Variants in HDAC9 observed in about 807,000 individuals in gnomAD.
HDAC9 encodes the protein histone deacetylase 9, also known as MEF-2 interacting transcription repressor (MITR) protein.
A neutral mutation model predicts 139.4 loss-of-function variants in HDAC9; 41 were observed. The ratio of observed to expected loss-of-function variants is 0.29; its 90% confidence interval spans 0.23 to 0.38. HDAC9 has a LOEUF of 0.38. Among genes scored for constraint, HDAC9 ranks in the 10% least tolerant of loss-of-function variants. The pLI, the probability that HDAC9 is intolerant of heterozygous loss-of-function variation, is 1.00. For missense variants in HDAC9, 1,147 were observed against 1,297.0 expected, an observed-to-expected ratio of 0.88 and a Z score of 1.78; for synonymous variants, 517 against 476.2, an observed-to-expected ratio of 1.09 and a Z score of -1.12.
At chr7:18,400,265 G>A (rs1263062473) in intron 1 of HDAC9, among the ~76,000 whole-genome samples, 1 of 152,200 alleles carries the variant, frequency 6.6e-6, no homozygotes, top group Non-Finnish European at 1.5e-5. Flanking sequence ...GTAAAAGCAT[G>A]CGATGTGTAG....
At chr7:18,690,991 A>G (rs1283024609) in intron 12 of HDAC9, among the ~76,000 whole-genome samples, 2 of 151,998 alleles carry the variant, frequency 1.3e-5, no homozygotes, top group Admixed American at 6.6e-5. Flanking sequence ...ATATTATCAG[A>G]TGTCTGTTTA....
At chr7:18,930,617 AT>A (rs1024469795) in intron 22 of HDAC9, among the ~76,000 whole-genome samples, 1 of 122,340 alleles carries the variant, frequency 8.2e-6, no homozygotes, top group Non-Finnish European at 1.9e-5. Flanking sequence ...GGATAATAAA[AT>A]TAAAAAAAAA....
At chr7:18,241,033 A>T (rs994706498) in intron 2 of HDAC9, among the ~76,000 whole-genome samples, 3 of 152,166 alleles carry the variant, frequency 2.0e-5, no homozygotes, top group African/African-American at 7.2e-5. Context: ...TGATCTCAGA[A>T]ATTAGGAGAT....
At chr7:18,829,913 T>G (rs1284226208) in intron 19 of HDAC9, among the ~76,000 whole-genome samples, 2 of 127,902 alleles carry the variant, frequency 1.6e-5, no homozygotes, top group Non-Finnish European at 3.2e-5. Flanking sequence ...GTTGCTTTGG[T>G]AACCAATTGG....
At chr7:18,793,610 G>T (rs150170155) in intron 17 of HDAC9, among the ~76,000 whole-genome samples, 158 bp downstream of exon 17, 1 of 152,212 alleles carries the variant, frequency 6.6e-6, no homozygotes, top group African/African-American at 2.4e-5. Flanking sequence ...TAACTCATCT[G>T]TAGGCAGGGA....
intron 1 of HDAC9, among the ~76,000 whole-genome samples, chr7:18,350,486 G>T (rs1585306417): frequency 6.6e-6 from 1 of 152,046 alleles, no homozygotes; most frequent in East Asian, 1.9e-4. Flanking sequence ...TATCCTCTTT[G>T]TGTGTTTTCT....
At chr7:18,131,735 G>A (rs577752425) in intron 1 of HDAC9, among the ~76,000 whole-genome samples, 28 of 152,192 alleles carry the variant, frequency 1.8e-4, no homozygotes, top group African/African-American at 5.8e-4. Flanking sequence ...AAGGTGAGGC[G>A]GTGAGAGCCT....
chr7:18,778,498 A>T (rs1247560384), intron 16 of HDAC9, among the ~76,000 whole-genome samples: 6 of 152,054 alleles, frequency 3.9e-5, no homozygotes, highest in Non-Finnish European at 8.8e-5. Flanking sequence ...AAAGATTGGC[A>T]TATTTTGAAG....
intron 1 of HDAC9, among the ~76,000 whole-genome samples, chr7:18,426,736 T>C (rs1790150910): frequency 6.6e-6 from 1 of 152,206 alleles, no homozygotes; most frequent in Admixed American, 6.5e-5. Context: ...TGATTGCCTT[T>C]ATTGAAAGGT....
At chr7:18,874,446 C>T in intron 21 of HDAC9, 32 bp from the exon 22 acceptor site, 1 of 1,398,846 alleles carries the variant, frequency 7.1e-7, no homozygotes, top group Non-Finnish European at 9.9e-7. Flanking sequence ...TCACCAGTCC[C>T]ACGTGTGACC....
chr7:18,163,379 T>C (rs1305085544), intron 2 of HDAC9, among the ~76,000 whole-genome samples: 1 of 152,250 alleles, frequency 6.6e-6, no homozygotes, highest in African/African-American at 2.4e-5. Flanking sequence ...TACTTACTTA[T>C]GCCTGTTAGC....
intron 1 of HDAC9, among the ~76,000 whole-genome samples, chr7:18,431,939 A>G (rs1376678241): frequency 1.3e-5 from 2 of 152,226 alleles, no homozygotes; most frequent in Non-Finnish European, 2.9e-5. Context: ...TCAGAATTCC[A>G]GAATGTGTCC....
At chr7:18,282,991 T>G (rs570455537) in intron 2 of HDAC9, among the ~76,000 whole-genome samples, 2 of 151,954 alleles carry the variant, frequency 1.3e-5, no homozygotes, top group South Asian at 4.2e-4. Context: ...ATCTCAATTT[T>G]GTAGATACTC....
At position 18,741,508 on chromosome 7, in the gene HDAC9, C is replaced by CAA. The variant is rs553101652; in HGVS notation, c.1910-7494_1910-7493dup. On this transcript the variant is annotated intron_variant, in intron 13 of 25. Transcript: ENST00000686413. Reference sequence around the variant, plus strand: ...TCAGGGGGGAAAAAAAGTTCCCTTTCAAAATATGACTGCCTAATTGACTGT... The same window carrying CAA: ...TCAGGGGGGAAAAAAAGTTCCCTTTCAAAAAATATGACTGCCTAATTGACTGT... Among the ~76,000 whole-genome samples, 583 of 152,240 alleles carry CAA rather than the reference C, an allele frequency of 3.8e-3. 1 individual carries two copies. Among genetic ancestry groups the CAA allele is most frequent in the Non-Finnish European group, 6.7e-3 (455 of 68,010 alleles).
intron 2 of HDAC9, among the ~76,000 whole-genome samples, chr7:18,230,268 A>G (rs1169818104): frequency 6.6e-6 from 1 of 152,212 alleles, no homozygotes; most frequent in African/African-American, 2.4e-5. Flanking sequence ...CCAGTGAAAA[A>G]TGAAAATGTG....
In HDAC9 at chr7:18,397,098, G is replaced by A. The variant is rs113282452; in HGVS notation, c.-41-99164G>A. On this transcript the variant is annotated intron_variant, in intron 1 of 3. Coordinates refer to the HDAC9 transcript ENST00000413509. ...AGGGTATTGAGAGAATAGATTTAGG[G>A]TGCATGAGAATAGGTGATTAAGGGA... 7.3e-3 allele frequency among the ~76,000 whole-genome samples: 1,117 copies of A among 152,194 alleles called. 12 individuals carry two copies. The highest frequency in any genetic ancestry group is 0.024 in the African/African-American group (997 of 41,516).
At chr7:18,166,269 G>C (rs1314520562) in intron 2 of HDAC9, among the ~76,000 whole-genome samples, 1 of 152,188 alleles carries the variant, frequency 6.6e-6, no homozygotes, top group Non-Finnish European at 1.5e-5. Flanking sequence ...AGTTTTCAAA[G>C]CCCCTTGTAT....
At chr7:18,243,791 C>G (rs1794344153) in intron 2 of HDAC9, among the ~76,000 whole-genome samples, 1 of 152,126 alleles carries the variant, frequency 6.6e-6, no homozygotes, top group Non-Finnish European at 1.5e-5. Context: ...ATTTTTCTAT[C>G]TGTGATTACG....
chr7:18,873,502 C>A (rs1005603311), intron 21 of HDAC9, among the ~76,000 whole-genome samples: 2 of 151,874 alleles, frequency 1.3e-5, no homozygotes, highest in African/African-American at 4.8e-5. Context: ...AAAATTCATA[C>A]GTAATCATTG....
Sources: allele counts gnomAD v4.1 joint callset (sites outside exome capture counted in the v4.1 genomes callset), GRCh38; gene constraint gnomAD v4.1.1; transcripts MANE v1.5; gene names NCBI Gene and HGNC (gene_info 2026-07-23, HGNC 2026-07-21).